LARGE1: variants seen among roughly 807,000 people sequenced by gnomAD.
The protein encoded by LARGE1 is xylosyl- and glucuronyltransferase LARGE1.
LARGE1 carries 43 observed loss-of-function variants against 87.6 expected under a neutral mutation model. The observed-to-expected ratio is 0.49, with a 90% CI of 0.38 to 0.63. LARGE1 has a LOEUF of 0.63. Among genes scored for constraint, LARGE1 ranks in the 30% least tolerant of loss-of-function variants. The pLI, the probability that LARGE1 is intolerant of heterozygous loss-of-function variation, is 0.00. For synonymous variants in LARGE1, 434 were observed against 394.6 expected (o/e 1.10, Z -1.18); for missense variants, 802 against 1,000.2 (o/e 0.80, Z 2.67).
At position 33,256,151 on chromosome 22, in the gene LARGE1, G is replaced by A. The variant is rs192537123; in HGVS notation, c.1730+48078C>T. 1.4e-4 allele frequency among the ~76,000 whole-genome samples: 22 copies of A among 152,338 alleles called. No individual in the cohort carries two copies. The East Asian group carries it at 3.5e-3, about 24-fold the overall frequency. On this transcript the variant is annotated intron_variant, in intron 11 of 11. Transcript: ENST00000608642. The stretch of plus-strand genomic sequence containing the variant: ...TTTATCAGCTGTAATTCTTCCTGCA[G>A]AATTGGTCTACCTAGAGATGTATAG...
intron 2 of LARGE1, among the ~76,000 whole-genome samples, chr22:33,660,865 T>C (rs2081102050): frequency 2.0e-5 from 3 of 152,256 alleles, no homozygotes. Flanking sequence ...TCCACTGATT[T>C]AATTTTTTAA....
chr22:33,410,223 T>C (rs141647195), intron 7 of LARGE1, among the ~76,000 whole-genome samples: 121 of 152,272 alleles, frequency 7.9e-4, no homozygotes, highest in African/African-American at 2.8e-3. Context: ...TACTGTAAAT[T>C]TAGTAGACAG....
rs140488756 is a variant in LARGE1 at position 33,414,111 on chromosome 22, C to T, written c.892+18050G>A. Among the ~76,000 whole-genome samples, 1,393 of 152,046 alleles carry T rather than the reference C, an allele frequency of 9.2e-3. 9 individuals are homozygous for T. The highest frequency in any genetic ancestry group is 0.015 in the Non-Finnish European group (1,039 of 67,996). On this transcript the variant is annotated intron_variant, in intron 7 of 14. Coordinates refer to ENST00000397394, the MANE Select transcript of LARGE1 (RefSeq NM_133642.5). ...TTCTATTTTTAATTTTTGGAGGAAC[C>T]GCCATACTGTTTTCCATAGTGGCCG...
chr22:33,912,956 G>A (rs1198518046), intron 1 of LARGE1, among the ~76,000 whole-genome samples: 2 of 151,670 alleles, frequency 1.3e-5, no homozygotes, highest in Non-Finnish European at 2.9e-5. Context: ...TCAGCCTCCC[G>A]AGTAGCTGGG....
chr22:33,391,329 A>C (rs972050383), intron 7 of LARGE1, among the ~76,000 whole-genome samples: 3 of 152,144 alleles, frequency 2.0e-5, no homozygotes, highest in African/African-American at 4.8e-5. Flanking sequence ...GGGAAGGGAA[A>C]CAGGTAATCA....
chr22:33,323,823 C>T (rs1230260300), intron 10 of LARGE1, among the ~76,000 whole-genome samples: 1 of 152,136 alleles, frequency 6.6e-6, no homozygotes, highest in Non-Finnish European at 1.5e-5. Context: ...GCTACCCAAA[C>T]CTAAGCAATG....
At chr22:33,339,676 G>C (rs974721509) in intron 9 of LARGE1, among the ~76,000 whole-genome samples, 13 of 150,282 alleles carry the variant, frequency 8.7e-5, no homozygotes, top group Non-Finnish European at 1.8e-4. Flanking sequence ...TCTGGGAAAA[G>C]CAATAAAATA....
chr22:33,368,882 TG>T (rs1430827471), intron 9 of LARGE1, among the ~76,000 whole-genome samples: 1 of 152,206 alleles, frequency 6.6e-6, no homozygotes, highest in African/African-American at 2.4e-5. Context: ...TTCTAAAAAA[TG>T]TTAATGATCA....
intron 12 of LARGE1, among the ~76,000 whole-genome samples, chr22:33,292,973 A>G (rs1182403992): frequency 6.6e-6 from 1 of 152,224 alleles, no homozygotes; most frequent in East Asian, 1.9e-4. Flanking sequence ...TGAAGCCAAC[A>G]CCTAAACCTT....
chr22:33,115,065 A>G, the LARGE1 span, among the ~76,000 whole-genome samples: 4 of 152,190 alleles, frequency 2.6e-5, no homozygotes, highest in Non-Finnish European at 4.4e-5. Flanking sequence ...TGAGGGAGAT[A>G]TAGATGAATG....
rs181858418 is a variant in LARGE1, at chr22:33,340,942, C to G, written c.1132-3141G>C. Among the ~76,000 whole-genome samples, 6 of 151,878 alleles carry G rather than the reference C, an allele frequency of 4.0e-5. No individual in the cohort carries two copies. The East Asian group carries it at 1.2e-3, about 29-fold the overall frequency. On this transcript the variant is annotated intron_variant, in intron 9 of 14. Transcript: ENST00000397394. ...AGCTTTTAAAACATTCTGTTTCATGCTTTGTCTGATTATAGAGGAAATGAA... is the reference window on the plus strand; with the variant it reads ...AGCTTTTAAAACATTCTGTTTCATGGTTTGTCTGATTATAGAGGAAATGAA...
chr22:33,915,012 AACACACAC>A (rs71320998), intron 1 of LARGE1, among the ~76,000 whole-genome samples: 15 of 139,134 alleles, frequency 1.1e-4, no homozygotes, highest in Admixed American at 3.6e-4. Flanking sequence ...TACAAACACA[AACACACAC>A]ACACACACAC....
chr22:33,130,246 A>G, the LARGE1 span, among the ~76,000 whole-genome samples: 95,297 of 145,012 alleles, frequency 0.66, 31,466 homozygotes, highest in South Asian at 0.76. Context: ...CCCGGGAGGC[A>G]GAGCTTGCAG....
chr22:33,614,703 T>C (rs1412804603), intron 4 of LARGE1, among the ~76,000 whole-genome samples: 1 of 152,088 alleles, frequency 6.6e-6, no homozygotes, highest in African/African-American at 2.4e-5. Context: ...TCACTCTCCA[T>C]CCCACTGTCC....
chr22:33,800,522 G>T (rs569536157), intron 1 of LARGE1, among the ~76,000 whole-genome samples: 1 of 152,032 alleles, frequency 6.6e-6, no homozygotes, highest in Non-Finnish European at 1.5e-5. Flanking sequence ...CTATCATCCT[G>T]AAGAAACTCC....
chr22:33,137,940 A>C, the LARGE1 span, among the ~76,000 whole-genome samples: 3 of 152,156 alleles, frequency 2.0e-5, no homozygotes. Context: ...ACAAAAGGGA[A>C]ATGTTGGGTG....
chr22:33,530,482 C>A (rs997072922), intron 6 of LARGE1, among the ~76,000 whole-genome samples: 4 of 144,468 alleles, frequency 2.8e-5, no homozygotes, highest in Admixed American at 6.9e-5. Context: ...TTTTTTTTAG[C>A]CATCAGATAA....
At chr22:33,346,775 C>A (rs1268317993) in intron 9 of LARGE1, among the ~76,000 whole-genome samples, 3 of 152,146 alleles carry the variant, frequency 2.0e-5, no homozygotes, top group Non-Finnish European at 4.4e-5. Flanking sequence ...ATGTCCCCTG[C>A]CCCTGTGAAT....
At chr22:33,488,003 A>C (rs2069662308) in intron 6 of LARGE1, among the ~76,000 whole-genome samples, 2 of 152,218 alleles carry the variant, frequency 1.3e-5, no homozygotes, top group Admixed American at 1.3e-4. Context: ...TTAGCCTCAG[A>C]GTAAAAGTAC....
Sources: allele counts gnomAD v4.1 joint callset (sites outside exome capture counted in the v4.1 genomes callset), GRCh38; gene constraint gnomAD v4.1.1; transcripts MANE v1.5; gene names NCBI Gene and HGNC (gene_info 2026-07-23, HGNC 2026-07-21).